The following TMED10 variants were observed in gnomAD, a reference collection of about 807,000 sequenced individuals.
TMED10 encodes the protein transmembrane p24 trafficking protein 10.
TMED10 carries 7 observed loss-of-function variants against 23.1 expected under a neutral mutation model. That is an observed-to-expected ratio of 0.30 (90% CI 0.17 to 0.57). The LOEUF (loss-of-function observed/expected upper bound fraction) is 0.57, where lower values mean the gene tolerates loss of function less well. TMED10 is among the 20% of genes least tolerant of loss of function. TMED10 has a pLI of 0.91. For missense variants in TMED10, 162 were observed against 274.8 expected, an observed-to-expected ratio of 0.59 and a Z score of 2.90; for synonymous variants, 113 against 106.9, an observed-to-expected ratio of 1.06 and a Z score of -0.35.
At chr14:75,138,860 C>T (rs1457580704) in intron 3 of TMED10, among the ~76,000 whole-genome samples, 5 of 131,670 alleles carry the variant, frequency 3.8e-5, no homozygotes, top group African/African-American at 1.5e-4. Flanking sequence ...TGTTAAAGGA[C>T]AATAGTCCAG....
At chr14:75,150,234 AAAC>A (rs1435761808) in intron 2 of TMED10, among the ~76,000 whole-genome samples, 8 of 152,340 alleles carry the variant, frequency 5.3e-5, no homozygotes, top group South Asian at 2.1e-4. Context: ...CTGAGCATGA[AAAC>A]AACAAGTCTT....
chr14:75,168,323 C>T (rs1896189653), intron 1 of TMED10, among the ~76,000 whole-genome samples: 1 of 152,190 alleles, frequency 6.6e-6, no homozygotes, highest in African/African-American at 2.4e-5. Flanking sequence ...CCCATATTCT[C>T]AGCCAGGTCT....
chr14:75,134,666 A>G lies in TMED10; in HGVS notation c.*219T>C. On this transcript the variant is annotated 3_prime_UTR_variant, in exon 5 of 5. Coordinates refer to ENST00000303575, the MANE Select transcript of TMED10 (RefSeq NM_006827.6). ...ACTCTAATAATAGACCTATTGTTGCAAAACCAGTCAAAATCCTACCAAATT... is the reference window on the plus strand; with the variant it reads ...ACTCTAATAATAGACCTATTGTTGCGAAACCAGTCAAAATCCTACCAAATT... The G allele has an allele frequency of 1.9e-6, 1 of 538,514 alleles. No individual in the cohort carries two copies. Among genetic ancestry groups the G allele is most frequent in the South Asian group, 2.2e-5 (1 of 44,456 alleles). The allele number at this position is 538,514 out of a possible 1,614,324, so 33.4% of individuals were successfully genotyped here.
chr14:75,176,319 T>A (rs993194893), intron 1 of TMED10, 36 bp downstream of exon 1: 2 of 1,611,172 alleles, frequency 1.2e-6, no homozygotes, highest in Non-Finnish European at 1.7e-6. Context: ...AAGCCTGCCG[T>A]CTTCCCTCCC....
rs1404523952 is a variant in TMED10 at position 75,132,384 on chromosome 14, T to A, written c.*2501A>T. 1 of 52,890 alleles carries A rather than the reference T, an allele frequency of 1.9e-5. No individual in the cohort carries two copies. The highest frequency in any genetic ancestry group is 2.4e-4 in the Admixed American group (1 of 4,172). 3.3% of individuals were successfully genotyped at this position (52,890 alleles called of 1,614,324 possible). A position where few individuals can be genotyped will look rare whatever the true frequency, so the allele number is the denominator to read the frequency against. ...GCCTGGGCGTTGCAGCAAGACTCCG[T>A]CCCCCCCCCCCCAAAAAAAAAAAAG... On this transcript the variant is annotated 3_prime_UTR_variant, in exon 5 of 5. Transcript: ENST00000303575.
At chr14:75,158,360 C>T (rs1195253038) in intron 1 of TMED10, among the ~76,000 whole-genome samples, 2 of 152,144 alleles carry the variant, frequency 1.3e-5, no homozygotes, top group East Asian at 1.9e-4. Flanking sequence ...GAGGGGGCCT[C>T]ACTGTTGCCC....
chr14:75,162,554 CTTAAG>C (rs1372738110), intron 1 of TMED10, among the ~76,000 whole-genome samples: 1 of 152,100 alleles, frequency 6.6e-6, no homozygotes, highest in African/African-American at 2.4e-5. Context: ...CTCCCCACTC[CTTAAG>C]TGTGGGCTAC....
intron 3 of TMED10, among the ~76,000 whole-genome samples, chr14:75,140,385 C>G (rs1159902717): frequency 6.6e-6 from 1 of 151,996 alleles, no homozygotes; most frequent in African/African-American, 2.4e-5. Flanking sequence ...AGGCGTGAGC[C>G]ACTGGGCCTG....
intron 2 of TMED10, among the ~76,000 whole-genome samples, chr14:75,150,613 C>T (rs1895943713): frequency 6.6e-6 from 1 of 152,192 alleles, no homozygotes; most frequent in African/African-American, 2.4e-5. Flanking sequence ...CTACAGTATT[C>T]AGTACAGTCA....
chr14:75,138,717 A>G (rs1400048465), intron 3 of TMED10, among the ~76,000 whole-genome samples: 2 of 152,098 alleles, frequency 1.3e-5, no homozygotes, highest in Non-Finnish European at 2.9e-5. Context: ...TGCAAAAGAA[A>G]CTGGAAGTGA....
At chr14:75,149,974 G>A (rs746728203) in intron 2 of TMED10, among the ~76,000 whole-genome samples, 60 of 152,074 alleles carry the variant, frequency 3.9e-4, no homozygotes, top group Admixed American at 5.9e-4. Flanking sequence ...GCAGTGGTGC[G>A]TGCCTGTAGT....
At chr14:75,163,431 T>C (rs575460701) in intron 1 of TMED10, among the ~76,000 whole-genome samples, 2 of 151,598 alleles carry the variant, frequency 1.3e-5, no homozygotes, top group East Asian at 2.0e-4. Context: ...CACTCGCCTG[T>C]AGTCCCAGCT....
chr14:75,135,646 C>T (rs1895740145), intron 4 of TMED10, 114 bp downstream of exon 4: 6 of 1,426,956 alleles, frequency 4.2e-6, no homozygotes, highest in Non-Finnish European at 4.7e-6. Flanking sequence ...CAAGCAATTT[C>T]CCCTCCATAT....
At chr14:75,144,806 C>T (rs1895862794) in intron 3 of TMED10, among the ~76,000 whole-genome samples, 1 of 152,134 alleles carries the variant, frequency 6.6e-6, no homozygotes, top group African/African-American at 2.4e-5. Context: ...TACAGGTACC[C>T]GCCACCATGC....
At position 75,133,542 on chromosome 14, in the gene TMED10, A is replaced by C. The variant is rs1251179750; in HGVS notation, c.*1343T>G. 7.2e-5 allele frequency: 11 copies of C among 152,534 alleles called. No individual in the cohort carries two copies. Among genetic ancestry groups the C allele is most frequent in the African/African-American group, 2.7e-4 (11 of 41,462 alleles). The allele number at this position is 152,534 out of a possible 1,614,324, so 9.4% of individuals were successfully genotyped here. A position where few individuals can be genotyped will look rare whatever the true frequency, so the allele number is the denominator to read the frequency against. ...GGATCAATCATACATTGCTGTCTGA[A>C]TTGTATGAGTGGCTGTATGTAAAAA... On this transcript the variant is annotated 3_prime_UTR_variant, in exon 5 of 5. Transcript: ENST00000303575.
intron 1 of TMED10, among the ~76,000 whole-genome samples, chr14:75,164,948 A>G (rs1035464769): frequency 7.9e-5 from 12 of 152,064 alleles, no homozygotes; most frequent in Non-Finnish European, 1.2e-4. Flanking sequence ...AGCTGATAAA[A>G]AGAGAGACAG....
intron 1 of TMED10, among the ~76,000 whole-genome samples, chr14:75,164,560 TATATATATATATA>T (rs1566675211): frequency 1.1e-3 from 6 of 5,582 alleles, no homozygotes; most frequent in African/African-American, 4.1e-3. Context: ...TATATATATA[TATATATATATATA>T]TATATTTTTT....
Position 75,134,975 on chromosome 14 carries a change from G to A in TMED10, c.570C>T (p.Ser190=). ...ESTNTRVLYF[S]IFSMFCLIGL... is the part of the protein sequence containing the mutation. The stretch of plus-strand genomic sequence containing the variant: ...CAATGAGACAGAACATTGAAAAGAT[G>A]CTGAAGTATAGGACCCGAGTGTTTG... The change falls in exon 5 of 5, where the codon AGC becomes AGT. Residue 190 remains serine, a synonymous_variant. Coordinates refer to ENST00000303575, the MANE Select transcript of TMED10 (RefSeq NM_006827.6). 1 of 1,614,086 alleles carries A rather than the reference G, an allele frequency of 6.2e-7. No homozygotes were observed. The highest frequency in any genetic ancestry group is 2.2e-5 in the East Asian group (1 of 44,880).
Position 75,163,552 on chromosome 14 carries a change from CAAAAAAAAAAAA to C in TMED10, c.226-11421_226-11410del, listed in dbSNP as rs758185921. ...TGGGCGACAGAGTGAGACTCCGTAT[CAAAAAAAAAAAA>C]AAAAAAAAAAAAAGAACGGAAACAG... On this transcript the variant is annotated intron_variant, in intron 1 of 4. Coordinates refer to ENST00000303575, the MANE Select transcript of TMED10 (RefSeq NM_006827.6). 3.0e-4 allele frequency among the ~76,000 whole-genome samples: 18 copies of C among 60,758 alleles called. 1 individual carries two copies. The highest frequency in any genetic ancestry group is 3.9e-4 in the Non-Finnish European group (13 of 33,382). 39.9% of individuals were successfully genotyped at this position (60,758 alleles called of 152,430 possible).
Sources: allele counts gnomAD v4.1 joint callset (sites outside exome capture counted in the v4.1 genomes callset), GRCh38; gene constraint gnomAD v4.1.1; transcripts MANE v1.5; gene names NCBI Gene and HGNC (gene_info 2026-07-23, HGNC 2026-07-21).